The following AOAH variants were observed in gnomAD, a reference collection of about 807,000 sequenced individuals.
AOAH encodes the protein acyloxyacyl hydrolase (neutrophil).
In AOAH, 64 loss-of-function variants were observed where a neutral mutation model predicts 92.2. The observed-to-expected ratio is 0.69, with a 90% CI of 0.57 to 0.86. The LOEUF (loss-of-function observed/expected upper bound fraction) is 0.86. AOAH is among the 40% of genes least tolerant of loss of function. The pLI is 0.00. For synonymous variants in AOAH, 263 were observed against 254.5 expected (o/e 1.03, Z -0.32); for missense variants, 656 against 694.6 (o/e 0.94, Z 0.62).
chr7:36,517,159 T>TTTCTTTCTTTCTTTCTTTCC (rs1783776096), intron 20 of AOAH, among the ~76,000 whole-genome samples: 1 of 38,126 alleles, frequency 2.6e-5, no homozygotes. Flanking sequence ...CATGTTAGTC[T>TTTCTTTCTTTCTTTCTTTCC]TTCTTTCTTT....
intron 1 of AOAH, among the ~76,000 whole-genome samples, chr7:36,706,842 T>G (rs1157341344): frequency 6.6e-6 from 1 of 152,136 alleles, no homozygotes; most frequent in African/African-American, 2.4e-5. Context: ...TTTTCCAGCT[T>G]CCTCACCTCT....
At chr7:36,541,585 G>A (rs1331099387) in intron 15 of AOAH, among the ~76,000 whole-genome samples, 7 of 152,212 alleles carry the variant, frequency 4.6e-5, no homozygotes, top group Non-Finnish European at 2.9e-5. Flanking sequence ...TTAAAGTTAT[G>A]TTTGGGTGCT....
intron 20 of AOAH, 57 bp from the exon 21 acceptor site, chr7:36,513,437 A>G: frequency 6.4e-7 from 1 of 1,566,182 alleles, no homozygotes; most frequent in South Asian, 1.2e-5. Flanking sequence ...ATCACTTACC[A>G]ACAAGATTTC....
At chr7:36,699,503 T>C (rs192497405) in intron 1 of AOAH, among the ~76,000 whole-genome samples, 57 of 152,242 alleles carry the variant, frequency 3.7e-4, no homozygotes, top group African/African-American at 1.2e-3. Context: ...TCATGTCTCA[T>C]TGTAGTTTTG....
At chr7:36,611,995 G>GT (rs1283436622) in intron 11 of AOAH, among the ~76,000 whole-genome samples, 1 of 152,212 alleles carries the variant, frequency 6.6e-6, no homozygotes, top group Non-Finnish European at 1.5e-5. Context: ...AAGTGAGGCA[G>GT]TGTTGTAATA....
chr7:36,624,803 C>T (rs538025505), intron 6 of AOAH, among the ~76,000 whole-genome samples: 10 of 152,196 alleles, frequency 6.6e-5, no homozygotes, highest in Admixed American at 2.0e-4. Context: ...TTGCCCCCAG[C>T]AACCCCGCAG....
intron 4 of AOAH, among the ~76,000 whole-genome samples, chr7:36,640,639 G>A (rs1343693570): frequency 6.6e-6 from 1 of 152,228 alleles, no homozygotes; most frequent in Non-Finnish European, 1.5e-5. Context: ...CCTTGGCAGA[G>A]GCTGTCCCCA....
chr7:36,531,785 C>A (rs1270513150), intron 18 of AOAH, among the ~76,000 whole-genome samples: 1 of 152,140 alleles, frequency 6.6e-6, no homozygotes, highest in Non-Finnish European at 1.5e-5. Flanking sequence ...GCATAGGGGC[C>A]AACCTCAATC....
At chr7:36,547,932 T>C (rs565985119) in intron 15 of AOAH, among the ~76,000 whole-genome samples, 1 of 152,274 alleles carries the variant, frequency 6.6e-6, no homozygotes, top group South Asian at 2.1e-4. Flanking sequence ...CTCTTCCACA[T>C]GAGGAAGTAA....
At chr7:36,650,847 T>C (rs1794532097) in intron 4 of AOAH, among the ~76,000 whole-genome samples, 2 of 152,182 alleles carry the variant, frequency 1.3e-5, no homozygotes, top group Non-Finnish European at 2.9e-5. Flanking sequence ...AAAGACACGG[T>C]CCTTGTGTTC....
intron 15 of AOAH, among the ~76,000 whole-genome samples, chr7:36,544,712 G>T (rs540239562): frequency 2.6e-5 from 4 of 152,284 alleles, no homozygotes; most frequent in Admixed American, 2.6e-4. Context: ...CCTGAAGGTG[G>T]CTCTGAAGCC....
intron 19 of AOAH, 149 bp from the exon 20 acceptor site, chr7:36,522,264 GA>G: frequency 1.6e-6 from 1 of 635,300 alleles, no homozygotes; most frequent in East Asian, 2.8e-5. Flanking sequence ...TGCACTGGGG[GA>G]TTTCTGAACA....
At chr7:36,567,366 T>A (rs1787790186) in intron 13 of AOAH, among the ~76,000 whole-genome samples, 2 of 152,128 alleles carry the variant, frequency 1.3e-5, no homozygotes, top group Non-Finnish European at 1.5e-5. Context: ...GGGCTTAAGG[T>A]ATACCCCTGA....
At chr7:36,650,323 T>A (rs1794500140) in intron 4 of AOAH, among the ~76,000 whole-genome samples, 1 of 152,160 alleles carries the variant, frequency 6.6e-6, no homozygotes, top group Non-Finnish European at 1.5e-5. Flanking sequence ...GGCTGGGGAC[T>A]GGAAACCCAA....
intron 15 of AOAH, among the ~76,000 whole-genome samples, chr7:36,544,631 G>A (rs1423214542): frequency 6.6e-6 from 1 of 152,184 alleles, no homozygotes; most frequent in East Asian, 1.9e-4. Context: ...AGAGAAACTG[G>A]TGCTCACTGA....
intron 8 of AOAH, among the ~76,000 whole-genome samples, chr7:36,621,123 C>T (rs188120391): frequency 1.2e-4 from 18 of 152,266 alleles, no homozygotes; most frequent in East Asian, 1.2e-3. Context: ...GGAATGGTGC[C>T]GATGAACATA....
chr7:36,723,282 A>T (rs1414887491), intron 1 of AOAH, among the ~76,000 whole-genome samples: 1 of 152,152 alleles, frequency 6.6e-6, no homozygotes, highest in Non-Finnish European at 1.5e-5. Context: ...TTCCCATGTT[A>T]TGAGAGCTAC....
At chr7:36,650,505 T>A (rs572982128) in intron 4 of AOAH, among the ~76,000 whole-genome samples, 24 of 152,302 alleles carry the variant, frequency 1.6e-4, no homozygotes, top group African/African-American at 5.8e-4. Context: ...GCTTTCAGGC[T>A]TAGGCCAGCC....
At chr7:36,639,186 G>T (rs1481141486) in intron 4 of AOAH, among the ~76,000 whole-genome samples, 12 of 152,170 alleles carry the variant, frequency 7.9e-5, no homozygotes, top group Non-Finnish European at 1.6e-4. Flanking sequence ...TGCACTTTTG[G>T]CCTTTTCTGG....
Sources: gnomAD v4.1 joint callset for allele counts (sites outside exome capture counted in the v4.1 genomes callset) on GRCh38, gnomAD v4.1.1 for gene constraint, MANE v1.5 for transcripts, NCBI Gene and HGNC (gene_info 2026-07-23, HGNC 2026-07-21) for gene names.